The following SCG3 variants were observed in gnomAD, a reference collection of about 807,000 sequenced individuals.
The protein encoded by SCG3 is secretogranin III.
A neutral mutation model predicts 56.2 loss-of-function variants in SCG3; 38 were observed. That is an observed-to-expected ratio of 0.68 (90% CI 0.52 to 0.89). The LOEUF (loss-of-function observed/expected upper bound fraction) is 0.89, where lower values mean the gene tolerates loss of function less well. SCG3 is among the 40% of genes least tolerant of loss of function. The probability of loss-of-function intolerance (pLI) is 0.00; values close to 1 mark genes in which losing one functional copy is unlikely to be tolerated. For missense variants in SCG3, 524 were observed against 540.7 expected, an observed-to-expected ratio of 0.97 and a Z score of 0.31; for synonymous variants, 176 against 184.2, an observed-to-expected ratio of 0.96 and a Z score of 0.36.
At chr15:51,715,235 T>G (rs926711168) in intron 11 of SCG3, 2 of 152,212 alleles carry the variant, frequency 1.3e-5, no homozygotes, top group Admixed American at 6.5e-5. Flanking sequence ...GGCATTGGGT[T>G]CGATGCTCCC....
In SCG3 at chr15:51,683,427, A is replaced by G. The variant is rs1484681907; in HGVS notation, c.390A>G (p.Lys130=). Reference sequence around the variant, plus strand: ...CTACTAAGAGTGGATTGGATCATAAATTTCAAGGTAAATGAGAAAAAAAGA... The same window carrying G: ...CTACTAAGAGTGGATTGGATCATAAGTTTCAAGGTAAATGAGAAAAAAAGA... The part of the protein sequence containing the change: ...YDSTKSGLDH[K]FQDDPDGLHQ... The change falls in exon 4 of 12, where the codon AAA becomes AAG. Residue 130 remains lysine, a synonymous_variant. Coordinates refer to ENST00000220478, the MANE Select transcript of SCG3 (RefSeq NM_013243.4). 6.3e-7 allele frequency: 1 copy of G among 1,592,758 alleles called. No homozygotes were observed. Among genetic ancestry groups the G allele is most frequent in the Admixed American group, 1.8e-5 (1 of 55,470 alleles).
At chr15:51,699,226 G>A in intron 8 of SCG3, 93 bp from the exon 9 acceptor site, 1 of 858,540 alleles carries the variant, frequency 1.2e-6, no homozygotes, top group Non-Finnish European at 1.9e-6. Flanking sequence ...AGTTGCTATT[G>A]TGATATTTCT....
chr15:51,718,698 T>C (rs1445898088), intron 11 of SCG3, among the ~76,000 whole-genome samples: 2 of 152,182 alleles, frequency 1.3e-5, no homozygotes, highest in Admixed American at 6.5e-5. Context: ...GAAATCTTTA[T>C]TTTTGGTGGG....
intron 8 of SCG3, 79 bp from the exon 9 acceptor site, chr15:51,699,240 G>T (rs899124000): frequency 2.0e-6 from 2 of 984,822 alleles, no homozygotes; most frequent in Admixed American, 4.2e-5. Context: ...TATTTCTGGT[G>T]AGATTTAAAC....
rs1166921756 is a variant in SCG3, at chr15:51,720,569, T to G, written c.*1043T>G. ...GTGTAAATTAATTACATACATATTTTTCTATATATTTGTTTCAAACTGTAA... is the reference window on the plus strand; with the variant it reads ...GTGTAAATTAATTACATACATATTTGTCTATATATTTGTTTCAAACTGTAA... On this transcript the variant is annotated 3_prime_UTR_variant, in exon 12 of 12. Coordinates refer to ENST00000220478, the MANE Select transcript of SCG3 (RefSeq NM_013243.4). The G allele has an allele frequency of 6.6e-6, 1 of 152,226 alleles. No homozygotes were observed. The highest frequency in any genetic ancestry group is 1.5e-5 in the Non-Finnish European group (1 of 68,054). The allele number at this position is 152,226 out of a possible 1,614,324, so 9.4% of individuals were successfully genotyped here.
chr15:51,696,203 A>G (rs540285741), intron 8 of SCG3, among the ~76,000 whole-genome samples: 2 of 152,346 alleles, frequency 1.3e-5, no homozygotes, highest in South Asian at 4.1e-4. Flanking sequence ...TTTCACATTT[A>G]TTAATTGTCT....
chr15:51,707,301 G>T (rs1282503837), intron 10 of SCG3, among the ~76,000 whole-genome samples: 3 of 152,078 alleles, frequency 2.0e-5, no homozygotes, highest in Non-Finnish European at 4.4e-5. Context: ...AGAAAAGTTA[G>T]CCTATTTAAT....
intron 4 of SCG3, among the ~76,000 whole-genome samples, chr15:51,685,133 G>A (rs528887977): frequency 4.1e-4 from 63 of 152,326 alleles, no homozygotes; most frequent in Non-Finnish European, 7.4e-4. Flanking sequence ...TATGAAGTGG[G>A]ATGGAGGCAA....
chr15:51,697,140 G>A (rs2055308931), intron 8 of SCG3, among the ~76,000 whole-genome samples: 1 of 151,522 alleles, frequency 6.6e-6, no homozygotes, highest in South Asian at 2.1e-4. Context: ...TTCTGTGTGT[G>A]TGTGTGTGTG....
In SCG3 at chr15:51,692,203, C is replaced by T. The variant is rs140544745; in HGVS notation, c.735C>T (p.Asn245=). The change falls in exon 7 of 12, where the codon AAC becomes AAT. Residue 245 remains asparagine, a synonymous_variant. Coordinates refer to ENST00000220478, the MANE Select transcript of SCG3 (RefSeq NM_013243.4). ...AAGATGGTCTTGCTAAGGGAGAAAA[C>T]GATGAAACAGTATCTAACACATTAA... ...AIQDGLAKGE[N]DETVSNTLTL... 16 of 1,613,380 alleles carry T rather than the reference C, an allele frequency of 9.9e-6. No individual in the cohort carries two copies. The highest frequency in any genetic ancestry group is 3.4e-6 in the Non-Finnish European group (4 of 1,179,680).
chr15:51,694,758 CG>C (rs1374224358), intron 7 of SCG3, among the ~76,000 whole-genome samples: 1 of 152,116 alleles, frequency 6.6e-6, no homozygotes, highest in Non-Finnish European at 1.5e-5. Flanking sequence ...AGGCCGAGCG[CG>C]GTGGCTCACG....
At chr15:51,714,498 T>C (rs1397439244) in intron 11 of SCG3, among the ~76,000 whole-genome samples, 2 of 152,200 alleles carry the variant, frequency 1.3e-5, no homozygotes, top group African/African-American at 4.8e-5. Flanking sequence ...GATTCCCAGG[T>C]ATCTGGCCAG....
At chr15:51,716,482 CTA>C in intron 11 of SCG3, among the ~76,000 whole-genome samples, 1 of 152,190 alleles carries the variant, frequency 6.6e-6, no homozygotes, top group Middle Eastern at 3.2e-3. Context: ...TACTACAAGG[CTA>C]TGGAATGGTC....
At chr15:51,708,369 CGT>C (rs914971162) in intron 10 of SCG3, 5 of 152,186 alleles carry the variant, frequency 3.3e-5, no homozygotes, top group Non-Finnish European at 7.3e-5. Context: ...CTCTTGTAAG[CGT>C]GTGGAGGTCT....
intron 6 of SCG3, among the ~76,000 whole-genome samples, chr15:51,691,658 C>T (rs916688558): frequency 6.6e-6 from 1 of 152,092 alleles, no homozygotes; most frequent in African/African-American, 2.4e-5. Flanking sequence ...GAACAAAAAC[C>T]AGGTCTGAGA....
At position 51,683,015 on chromosome 15, in the gene SCG3, CT is replaced by C. The variant is rs761326044; in HGVS notation, c.136-62del. 573 of 1,312,780 alleles carry C rather than the reference CT, an allele frequency of 4.4e-4. 1 individual carries two copies. The highest frequency in any genetic ancestry group is 5.8e-4 in the Non-Finnish European group (539 of 935,442). The allele number at this position is 1,312,780 out of a possible 1,614,324, so 81.3% of individuals were successfully genotyped here. A position where few individuals can be genotyped will look rare whatever the true frequency, so the allele number is the denominator to read the frequency against. On this transcript the variant is annotated intron_variant, in intron 2 of 11. Coordinates refer to ENST00000220478, the MANE Select transcript of SCG3 (RefSeq NM_013243.4). The stretch of plus-strand genomic sequence containing the variant: ...CCCATGGAGATTAAATCATTTGGCT[CT>C]TGTACTTGGTAAGTAGTGGAGCAAT...
chr15:51,713,485 C>T (rs2055434067), intron 11 of SCG3, 72 bp downstream of exon 11: 3 of 1,053,194 alleles, frequency 2.8e-6, no homozygotes, highest in Non-Finnish European at 4.2e-6. Context: ...TAAAAATTCC[C>T]ACAGTCAAAT....
chr15:51,682,880 AAAGAAATTAACACTGACTGAGC>A (rs2055203791), intron 2 of SCG3, among the ~76,000 whole-genome samples, 177 bp from the exon 3 acceptor site: 1 of 152,194 alleles, frequency 6.6e-6, no homozygotes, highest in South Asian at 2.1e-4. Context: ...ATTATAGGAG[AAAGAAATTAACACTGACTGAGC>A]ATCTACCCTT....
intron 11 of SCG3, 65 bp downstream of exon 11, chr15:51,713,478 A>G: frequency 9.1e-7 from 1 of 1,093,150 alleles, no homozygotes; most frequent in East Asian, 2.5e-5. Flanking sequence ...TGTTATATAA[A>G]AATTCCCACA....
Sources: allele counts gnomAD v4.1 joint callset (sites outside exome capture counted in the v4.1 genomes callset), GRCh38; gene constraint gnomAD v4.1.1; transcripts MANE v1.5; gene names NCBI Gene and HGNC (gene_info 2026-07-23, HGNC 2026-07-21).